The following TRPA1 variants were observed in gnomAD, a reference collection of about 807,000 sequenced individuals.
The protein encoded by TRPA1 is transient receptor potential cation channel subfamily A member 1, also known as ankyrin-like with transmembrane domains 1.
In TRPA1, 129 loss-of-function variants were observed where a neutral mutation model predicts 131.3. That is an observed-to-expected ratio of 0.98 (90% CI 0.85 to 1.14). TRPA1 has a LOEUF of 1.14. Ranked by LOEUF, TRPA1 falls within the 50% of genes most tolerant of loss-of-function variation. TRPA1 has a pLI of 0.00. For synonymous variants in TRPA1, 441 were observed against 451.7 expected (o/e 0.98, Z 0.30); for missense variants, 1,304 against 1,354.2 (o/e 0.96, Z 0.58).
chr8:72,081,824 A>G, the TRPA1 span, among the ~76,000 whole-genome samples: 2 of 151,836 alleles, frequency 1.3e-5, no homozygotes, highest in Non-Finnish European at 3.0e-5. Context: ...TATGCTTACC[A>G]TTCAGATGGC....
At position 72,071,641 on chromosome 8, in the gene TRPA1, C is replaced by A. The variant is rs975378714; in HGVS notation, c.268+70G>T. On this transcript the variant is annotated intron_variant, in intron 2 of 26. Transcript: ENST00000262209. ...CACTAATTACCCTTAAAAATCACTT[C>A]CTTCCATTCTTTCTAGTTAATTGAA... 3 of 1,555,658 alleles carry A rather than the reference C, an allele frequency of 1.9e-6. No homozygotes were observed. The Admixed American group carries it at 5.0e-5, about 26-fold the overall frequency.
chr8:72,068,851 AATC>A (rs533556510), intron 3 of TRPA1, among the ~76,000 whole-genome samples, 169 bp downstream of exon 3: 1 of 152,176 alleles, frequency 6.6e-6, no homozygotes, highest in Non-Finnish European at 1.5e-5. Context: ...AGTCAAAACT[AATC>A]ATCATCATCA....
chr8:72,061,152 AC>A (rs1805799111), intron 7 of TRPA1, among the ~76,000 whole-genome samples: 1 of 152,136 alleles, frequency 6.6e-6, no homozygotes, highest in African/African-American at 2.4e-5. Flanking sequence ...GTTTTTGGAA[AC>A]TTGGTTATAA....
At chr8:72,073,757 G>T (rs1223435593) in intron 1 of TRPA1, among the ~76,000 whole-genome samples, 1 of 152,158 alleles carries the variant, frequency 6.6e-6, no homozygotes, top group African/African-American at 2.4e-5. Flanking sequence ...AACCACATGG[G>T]TGATTTTAGA....
In TRPA1 at chr8:72,063,501, G is replaced by A. The variant is rs1489666630; in HGVS notation, c.623C>T (p.Ser208Leu). ...TATTTCCATGCATTCTTTGGAACCT[G>A]AAAATGCAGCTTGGTGAATAGGGAA... is the stretch of plus-strand genomic sequence containing the variant. Reference protein sequence around the residue: ...GCFPIHQAAFSGSKECMEIIL... With the variant: ...GCFPIHQAAFLGSKECMEIIL... The change falls in exon 5 of 27, where the codon TCA becomes TTA. Residue 208 changes from serine to leucine, a missense_variant. Physicochemically the swap from Ser to Leu is moderately radical, Grantham distance 145. Transcript: ENST00000262209. The A allele has an allele frequency of 1.9e-6, 3 of 1,613,792 alleles. No individual in the cohort carries two copies. The Admixed American group carries it at 5.0e-5, about 27-fold the overall frequency.
At chr8:72,084,836 G>C in the TRPA1 span, among the ~76,000 whole-genome samples, 1 of 151,684 alleles carries the variant, frequency 6.6e-6, no homozygotes, top group African/African-American at 2.4e-5. Context: ...ATTTTTAGGA[G>C]AGACGAGGTT....
At chr8:72,060,843 A>G (rs1805791350) in intron 7 of TRPA1, among the ~76,000 whole-genome samples, 1 of 147,554 alleles carries the variant, frequency 6.8e-6, no homozygotes, top group Admixed American at 6.8e-5. Context: ...CAGATCTTAT[A>G]TTGGTAGCTA....
intron 24 of TRPA1, among the ~76,000 whole-genome samples, chr8:72,028,035 G>C: frequency 6.6e-6 from 1 of 152,068 alleles, no homozygotes; most frequent in Non-Finnish European, 1.5e-5. Flanking sequence ...GCAGTTATGA[G>C]GTATTGCTGA....
At chr8:72,062,158 T>C (rs1386037294) in intron 6 of TRPA1, 1 of 217,094 alleles carries the variant, frequency 4.6e-6, no homozygotes, top group East Asian at 1.1e-4. Context: ...AGGGACAATA[T>C]AGAAAAAGTT....
chr8:72,051,671 C>T (rs1253982790), intron 14 of TRPA1, among the ~76,000 whole-genome samples: 1 of 152,186 alleles, frequency 6.6e-6, no homozygotes, highest in Non-Finnish European at 1.5e-5. Flanking sequence ...AGATTGTTCG[C>T]TCTGTGTCCA....
chr8:72,031,604 A>C lies in TRPA1; in HGVS notation c.2869-1635T>G, dbSNP rs142759803. ...AAAAAAACAAAAAAACAAAAAAAAAACAAAAAAACAAAAAACAAACAAACA... is the reference window on the plus strand; with the variant it reads ...AAAAAAACAAAAAAACAAAAAAAAACCAAAAAAACAAAAAACAAACAAACA... On this transcript the variant is annotated intron_variant, in intron 23 of 26. Transcript: ENST00000262209. 9.2e-3 allele frequency among the ~76,000 whole-genome samples: 1,400 copies of C among 151,804 alleles called. 25 individuals are homozygous for C. Among genetic ancestry groups the C allele is most frequent in the African/African-American group, 0.031 (1,278 of 41,434 alleles).
chr8:72,063,512 T>C lies in TRPA1; in HGVS notation c.612A>G (p.Gln204=), dbSNP rs373682567. Residue 204 remains glutamine (Q), a synonymous_variant, in exon 5 of 27, where the codon CAA becomes CAG. Coordinates refer to ENST00000262209, the MANE Select transcript of TRPA1 (RefSeq NM_007332.3). ...SNKWGCFPIH[Q]AAFSGSKECM... ...ATTCTTTGGAACCTGAAAATGCAGC[T>C]TGGTGAATAGGGAAACATCCCCATT... The C allele has an allele frequency of 6.2e-7, 1 of 1,613,866 alleles. No homozygotes were observed. The highest frequency in any genetic ancestry group is 8.5e-7 in the Non-Finnish European group (1 of 1,179,920).
chr8:72,059,664 C>T (rs1252177931), intron 7 of TRPA1, among the ~76,000 whole-genome samples: 1 of 152,122 alleles, frequency 6.6e-6, no homozygotes, highest in African/African-American at 2.4e-5. Flanking sequence ...ATATTTTCTT[C>T]CTCATCCTTT....
intron 15 of TRPA1, among the ~76,000 whole-genome samples, chr8:72,049,163 A>G (rs1033416711): frequency 6.6e-6 from 1 of 152,178 alleles, no homozygotes; most frequent in African/African-American, 2.4e-5. Context: ...TGTTCAATAA[A>G]TAAAGAACAA....
chr8:72,022,810 G>T lies in TRPA1; in HGVS notation c.*96C>A, dbSNP rs10086177. Reference sequence around the variant, plus strand: ...ACCATGATTTCACACGCAGCAAAATGAATCATTCTGCTTCTTCCTCACTCT... The same window carrying T: ...ACCATGATTTCACACGCAGCAAAATTAATCATTCTGCTTCTTCCTCACTCT... On this transcript the variant is annotated 3_prime_UTR_variant, in exon 27 of 27. Transcript: ENST00000262209. 1.7e-6 allele frequency: 2 copies of T among 1,158,560 alleles called. No individual in the cohort carries two copies. Among genetic ancestry groups the T allele is most frequent in the Non-Finnish European group, 2.6e-6 (2 of 783,042 alleles). The allele number at this position is 1,158,560 out of a possible 1,614,324, so 71.8% of individuals were successfully genotyped here. A position where few individuals can be genotyped will look rare whatever the true frequency, so the allele number is the denominator to read the frequency against.
intron 6 of TRPA1, among the ~76,000 whole-genome samples, chr8:72,061,997 C>A (rs143461533): frequency 3.0e-4 from 46 of 152,302 alleles, no homozygotes; most frequent in African/African-American, 1.0e-3. Flanking sequence ...TATAACAACT[C>A]TTGGCATACA....
intron 3 of TRPA1, among the ~76,000 whole-genome samples, chr8:72,066,560 T>A (rs980402966): frequency 4.6e-5 from 7 of 152,216 alleles, no homozygotes; most frequent in African/African-American, 1.7e-4. Flanking sequence ...TTAGGTTTAT[T>A]AATTAGCTCT....
At chr8:72,075,765 G>C (rs993114531), upstream of TRPA1, 20 of 389,890 alleles carry the variant, frequency 5.1e-5, no homozygotes, top group African/African-American at 1.2e-4. Context: ...GCAGCGCACT[G>C]ACGGAGTCAA....
chr8:72,072,999 C>A (rs986492657), intron 1 of TRPA1, among the ~76,000 whole-genome samples: 3 of 151,936 alleles, frequency 2.0e-5, no homozygotes, highest in Non-Finnish European at 4.4e-5. Flanking sequence ...TGAAAGTAAG[C>A]CAAGGATGTC....
Sources: allele counts gnomAD v4.1 joint callset (sites outside exome capture counted in the v4.1 genomes callset), GRCh38; gene constraint gnomAD v4.1.1; transcripts MANE v1.5; gene names NCBI Gene and HGNC (gene_info 2026-07-23, HGNC 2026-07-21).